S100A5: variants seen among roughly 807,000 people sequenced by gnomAD.
S100A5 encodes the protein protein S100-A5.
A neutral mutation model predicts 6.7 loss-of-function variants in S100A5; 5 were observed. The observed-to-expected ratio is 0.75, with a 90% CI of 0.39 to 1.57. The LOEUF (loss-of-function observed/expected upper bound fraction) is 1.57, where lower values mean the gene tolerates loss of function less well. Among genes scored for constraint, S100A5 ranks in the 40% most tolerant of loss-of-function variants. The probability of loss-of-function intolerance (pLI) is 0.03; values close to 1 mark genes in which losing one functional copy is unlikely to be tolerated. For synonymous variants in S100A5, 49 were observed against 44.9 expected (o/e 1.09, Z -0.37); for missense variants, 129 against 110.8 (o/e 1.16, Z -0.74).
intron 2 of S100A5, among the ~76,000 whole-genome samples, chr1:153,537,992 A>G (rs1305436984): frequency 3.3e-5 from 5 of 152,068 alleles, no homozygotes; most frequent in African/African-American, 9.7e-5. Flanking sequence ...GGTTGCAGTA[A>G]GTAAGATCAT....
intron 2 of S100A5, among the ~76,000 whole-genome samples, chr1:153,538,705 A>C (rs953274840): frequency 6.6e-6 from 1 of 152,224 alleles, no homozygotes; most frequent in African/African-American, 2.4e-5. Context: ...AGAGGCACCC[A>C]GGCTAAATTT....
At chr1:153,538,412 T>A (rs1665256717) in intron 2 of S100A5, among the ~76,000 whole-genome samples, 2 of 152,266 alleles carry the variant, frequency 1.3e-5, no homozygotes, top group South Asian at 4.1e-4. Flanking sequence ...CATTGGGACT[T>A]ACAAAGGCGG....
rs1401829128 is a variant in S100A5 at position 153,537,592 on chromosome 1, C to A, written c.139-156G>T. ...CTCGACCCCCAGAGTCTGCCCACTG[C>A]CCACACCTAGGGAAGGGCCTGGCAT... On this transcript the variant is annotated intron_variant, in intron 2 of 2. Transcript: ENST00000368717. 3.9e-4 allele frequency among the ~76,000 whole-genome samples: 59 copies of A among 152,154 alleles called. 1 individual carries two copies. The highest frequency in any genetic ancestry group is 3.7e-3 in the Admixed American group (57 of 15,272).
upstream of S100A5, among the ~76,000 whole-genome samples, chr1:153,541,167 G>C (rs1665372558): frequency 1.3e-5 from 2 of 152,188 alleles, no homozygotes; most frequent in African/African-American, 4.8e-5. Flanking sequence ...AAGGGACTCT[G>C]TGCACCTGCA....
At chr1:153,539,442 AAAAAAAAAAT>A (rs1665301896) in intron 2 of S100A5, among the ~76,000 whole-genome samples, 2 of 112,482 alleles carry the variant, frequency 1.8e-5, no homozygotes, top group Admixed American at 1.8e-4. Context: ...AAAAAAAAAA[AAAAAAAAAAT>A]ATATATATAT....
At position 153,537,150 on chromosome 1, in the gene S100A5, C is replaced by G. The variant is rs1173059387; in HGVS notation, c.*146G>C. 4.3e-6 allele frequency: 4 copies of G among 925,112 alleles called. No homozygotes were observed. The African/African-American group carries it at 5.0e-5, about 12-fold the overall frequency. The allele number at this position is 925,112 out of a possible 1,614,324, so 57.3% of individuals were successfully genotyped here. On this transcript the variant is annotated 3_prime_UTR_variant, in exon 3 of 3. Coordinates refer to ENST00000368717, the MANE Select transcript of S100A5 (RefSeq NM_001394232.1). Reference sequence around the variant, plus strand: ...CAAGACAGCTTCAAAACCAGACTCCCAGCACCTGCGATGGAAACTTTATTT... The same window carrying G: ...CAAGACAGCTTCAAAACCAGACTCCGAGCACCTGCGATGGAAACTTTATTT...
upstream of S100A5, chr1:153,543,666 TG>T (rs1665456346): frequency 8.3e-7 from 1 of 1,203,970 alleles, no homozygotes; most frequent in African/African-American, 1.5e-5. Context: ...ATCAAGCACG[TG>T]TCTGAAGGAG....
chr1:153,541,338 A>C (rs781318579), upstream of S100A5: 3 of 1,339,754 alleles, frequency 2.2e-6, no homozygotes, highest in Non-Finnish European at 3.0e-6. Context: ...ATCCAGCGTG[A>C]CCCACCAGAT....
At chr1:153,539,630 T>C (rs1665320493) in intron 2 of S100A5, among the ~76,000 whole-genome samples, 1 of 151,578 alleles carries the variant, frequency 6.6e-6, no homozygotes, top group Non-Finnish European at 1.5e-5. Context: ...TCAGTTTGAG[T>C]GCCAGCACCA....
At position 153,540,050 on chromosome 1, in the gene S100A5, C is replaced by T; in HGVS notation, c.138+4G>A. Reference sequence around the variant, plus strand: ...GGGTGGAGGATGAGGGAACAATCACCTACCTCCCCAAGACACAGCTCTTTC... The same window carrying T: ...GGGTGGAGGATGAGGGAACAATCACTTACCTCCCCAAGACACAGCTCTTTC... On this transcript the variant is annotated splice_donor_region_variant and intron_variant, in intron 2 of 2. Coordinates refer to ENST00000368717, the MANE Select transcript of S100A5 (RefSeq NM_001394232.1). The T allele has an allele frequency of 6.2e-7, 1 of 1,613,936 alleles. No homozygotes were observed.
At chr1:153,539,961 C>T in intron 2 of S100A5, 93 bp downstream of exon 2, 8 of 1,507,448 alleles carry the variant, frequency 5.3e-6, no homozygotes, top group Non-Finnish European at 7.2e-6. Context: ...CACCCTGCCC[C>T]TGGCTTAGGC....
At chr1:153,541,824 A>G, upstream of S100A5, 3 of 1,039,300 alleles carry the variant, frequency 2.9e-6, no homozygotes, top group Non-Finnish European at 3.5e-6. Flanking sequence ...GGCCCCTCCC[A>G]CCCATCCTGC....
At chr1:153,541,481 C>T, upstream of S100A5, 1 of 1,366,200 alleles carries the variant, frequency 7.3e-7, no homozygotes, top group Admixed American at 1.9e-5. Context: ...CCTAGGAATC[C>T]AGGGGAGAGA....
intron 2 of S100A5, among the ~76,000 whole-genome samples, chr1:153,539,485 T>A (rs1331366621): frequency 6.6e-5 from 9 of 135,642 alleles, no homozygotes; most frequent in African/African-American, 2.6e-4. Flanking sequence ...ATTTATTTAT[T>A]TATTTATCCT....
chr1:153,543,289 A>T, upstream of S100A5: 1 of 985,380 alleles, frequency 1.0e-6, no homozygotes, highest in Non-Finnish European at 1.2e-6. Flanking sequence ...AACAGATATG[A>T]CCTTCAATTC....
At chr1:153,541,757 A>C, upstream of S100A5, 1 of 1,110,892 alleles carries the variant, frequency 9.0e-7, no homozygotes, top group Non-Finnish European at 1.1e-6. Flanking sequence ...AAACCTCAGA[A>C]GTGTGGGACA....
chr1:153,539,442 AAAAAAAAAATATATAT>A (rs1259493115), intron 2 of S100A5, among the ~76,000 whole-genome samples: 1 of 112,454 alleles, frequency 8.9e-6, no homozygotes, highest in African/African-American at 4.6e-5. Flanking sequence ...AAAAAAAAAA[AAAAAAAAAATATATAT>A]ATATATATAT....
chr1:153,542,785 A>G (rs912503033), upstream of S100A5, among the ~76,000 whole-genome samples: 5 of 152,092 alleles, frequency 3.3e-5, no homozygotes, highest in African/African-American at 9.7e-5. Flanking sequence ...CTGGGGGGAA[A>G]ATAATCTCAA....
chr1:153,543,634 A>G, upstream of S100A5: 1 of 973,714 alleles, frequency 1.0e-6, no homozygotes, highest in Non-Finnish European at 1.6e-6. Flanking sequence ...ACTTCCAAGA[A>G]TCTTTATTGA....
Sources: gnomAD v4.1 joint callset for allele counts (sites outside exome capture counted in the v4.1 genomes callset) on GRCh38, gnomAD v4.1.1 for gene constraint, MANE v1.5 for transcripts, NCBI Gene and HGNC (gene_info 2026-07-23, HGNC 2026-07-21) for gene names.